Variants in PPM1E observed in about 807,000 individuals in gnomAD.
PPM1E encodes the protein protein phosphatase 1E.
PPM1E carries 20 observed loss-of-function variants against 65.9 expected under a neutral mutation model. That is an observed-to-expected ratio of 0.30 (90% CI 0.21 to 0.44). PPM1E has a LOEUF of 0.44. Among genes scored for constraint, PPM1E ranks in the 20% least tolerant of loss-of-function variants. The probability of loss-of-function intolerance (pLI) is 1.00; values close to 1 mark genes in which losing one functional copy is unlikely to be tolerated. For synonymous variants in PPM1E, 352 were observed against 374.9 expected, an observed-to-expected ratio of 0.94 and a Z score of 0.70; for missense variants, 713 against 953.1, an observed-to-expected ratio of 0.75 and a Z score of 3.32.
chr17:58,833,922 A>G (rs983718116), intron 1 of PPM1E, among the ~76,000 whole-genome samples: 2 of 152,114 alleles, frequency 1.3e-5, no homozygotes, highest in Non-Finnish European at 2.9e-5. Context: ...TTATAATAAT[A>G]GCCATTCTGA....
Position 58,982,604 on chromosome 17 carries a change from T to C in PPM1E, c.*1573T>C, listed in dbSNP as rs2031423775. ...ATGACTGGCATATTTTGGATACCAG[T>C]ATAGCTATATCAAATAGACAAAAAC... is the stretch of plus-strand genomic sequence containing the variant. On this transcript the variant is annotated 3_prime_UTR_variant, in exon 7 of 7. Transcript: ENST00000308249. 2.9e-6 allele frequency: 1 copy of C among 346,694 alleles called. No homozygotes were observed. The highest frequency in any genetic ancestry group is 5.3e-6 in the Non-Finnish European group (1 of 188,996). 21.5% of individuals were successfully genotyped at this position (346,694 alleles called of 1,614,324 possible).
chr17:58,800,324 A>G (rs2050247034), intron 1 of PPM1E, among the ~76,000 whole-genome samples: 1 of 152,076 alleles, frequency 6.6e-6, no homozygotes, highest in African/African-American at 2.4e-5. Flanking sequence ...ATTTGGTACT[A>G]TTTTGTTGTA....
chr17:58,934,377 G>A (rs1275044297), intron 1 of PPM1E, among the ~76,000 whole-genome samples: 1 of 151,966 alleles, frequency 6.6e-6, no homozygotes, highest in East Asian at 1.9e-4. Flanking sequence ...ATATCCTGTA[G>A]GTAACAACTC....
intron 1 of PPM1E, among the ~76,000 whole-genome samples, chr17:58,832,916 G>C (rs1411064228): frequency 6.6e-6 from 1 of 152,060 alleles, no homozygotes; most frequent in African/African-American, 2.4e-5. Context: ...GGGAACAAGC[G>C]ATTCTCCTTC....
Position 58,937,952 on chromosome 17 carries a change from C to T in PPM1E, c.465-17697C>T, listed in dbSNP as rs2052008815. On this transcript the variant is annotated intron_variant, in intron 1 of 6. Coordinates refer to ENST00000308249, the MANE Select transcript of PPM1E (RefSeq NM_014906.5). The stretch of plus-strand genomic sequence containing the variant: ...AATACAAAATGTGAAGGATTCTTTC[C>T]TAACTAATGGATTCACTGCAAGGAT... Among the ~76,000 whole-genome samples, 3 of 151,110 alleles carry T rather than the reference C, an allele frequency of 2.0e-5. No individual in the cohort carries two copies. The South Asian group carries it at 6.3e-4, about 32-fold the overall frequency.
At chr17:58,818,780 A>G (rs2050451675) in intron 1 of PPM1E, among the ~76,000 whole-genome samples, 1 of 152,148 alleles carries the variant, frequency 6.6e-6, no homozygotes, top group African/African-American at 2.4e-5. Context: ...AAATCTCTTT[A>G]TGTAAACTCC....
intron 1 of PPM1E, among the ~76,000 whole-genome samples, chr17:58,918,670 G>A (rs751966519): frequency 6.6e-6 from 1 of 151,782 alleles, no homozygotes; most frequent in Non-Finnish European, 1.5e-5. Context: ...GCCGGGCATG[G>A]TGGCATGCAC....
intron 1 of PPM1E, among the ~76,000 whole-genome samples, chr17:58,770,184 T>C (rs963931443): frequency 2.0e-5 from 3 of 152,198 alleles, no homozygotes; most frequent in Non-Finnish European, 4.4e-5. Flanking sequence ...GTTATTCCTT[T>C]GCATAATGAG....
intron 1 of PPM1E, among the ~76,000 whole-genome samples, chr17:58,931,243 A>G (rs918225428): frequency 6.6e-6 from 1 of 151,974 alleles, no homozygotes; most frequent in Non-Finnish European, 1.5e-5. Flanking sequence ...AAAATTAACC[A>G]GGCATGGTGG....
intron 1 of PPM1E, among the ~76,000 whole-genome samples, chr17:58,827,881 G>A (rs562275745): frequency 1.8e-4 from 25 of 135,464 alleles, no homozygotes; most frequent in South Asian, 4.9e-4. Context: ...CAACCTGGGC[G>A]ACAGAGCGAG....
At chr17:58,868,225 G>A (rs2051027546) in intron 1 of PPM1E, among the ~76,000 whole-genome samples, 2 of 152,144 alleles carry the variant, frequency 1.3e-5, no homozygotes, top group Admixed American at 1.3e-4. Flanking sequence ...AGCAACTCAG[G>A]AGGCTCAGGC....
At chr17:58,868,565 A>T (rs1598619212) in intron 1 of PPM1E, among the ~76,000 whole-genome samples, 1 of 120,852 alleles carries the variant, frequency 8.3e-6, no homozygotes, top group Non-Finnish European at 1.8e-5. Context: ...TGAAATGTCC[A>T]GGCTTTTTTT....
chr17:58,839,292 A>G (rs902556215), intron 1 of PPM1E, among the ~76,000 whole-genome samples: 2 of 152,146 alleles, frequency 1.3e-5, no homozygotes, highest in African/African-American at 4.8e-5. Flanking sequence ...ACTTGAGTTC[A>G]AGTCCAGCAA....
rs765402636 is a variant in PPM1E, at chr17:58,982,348, T to G, written c.*1317T>G. 6.6e-6 allele frequency: 1 copy of G among 152,282 alleles called. No individual in the cohort carries two copies. The highest frequency in any genetic ancestry group is 1.5e-5 in the Non-Finnish European group (1 of 68,076). The allele number at this position is 152,282 out of a possible 1,614,324, so 9.4% of individuals were successfully genotyped here. A position where few individuals can be genotyped will look rare whatever the true frequency, so the allele number is the denominator to read the frequency against. ...CAAACTATCAGATTCATTCATTCAG[T>G]GAAGCAGCCTCTGATTCTCTAAGAG... is the stretch of plus-strand genomic sequence containing the variant. On this transcript the variant is annotated 3_prime_UTR_variant, in exon 7 of 7. Coordinates refer to ENST00000308249, the MANE Select transcript of PPM1E (RefSeq NM_014906.5).
chr17:58,764,065 A>G (rs2049849594), intron 1 of PPM1E, among the ~76,000 whole-genome samples: 1 of 152,044 alleles, frequency 6.6e-6, no homozygotes, highest in South Asian at 2.1e-4. Context: ...AACTCAATAT[A>G]TCCAAAATAT....
intron 1 of PPM1E, among the ~76,000 whole-genome samples, chr17:58,821,256 G>A (rs1425481255): frequency 2.0e-5 from 3 of 151,982 alleles, no homozygotes; most frequent in East Asian, 1.9e-4. Flanking sequence ...GACTACAGGC[G>A]CCCGCCAACA....
intron 1 of PPM1E, among the ~76,000 whole-genome samples, chr17:58,890,566 G>A (rs1167335649): frequency 6.6e-6 from 1 of 152,124 alleles, no homozygotes; most frequent in Non-Finnish European, 1.5e-5. Context: ...ATAAATTTTA[G>A]TGACTATGTG....
At chr17:58,809,361 T>A (rs1165610600) in intron 1 of PPM1E, among the ~76,000 whole-genome samples, 1 of 152,126 alleles carries the variant, frequency 6.6e-6, no homozygotes, top group African/African-American at 2.4e-5. Flanking sequence ...AGTGTTGGGA[T>A]TACAAGTGTG....
chr17:58,844,562 G>A (rs1249112557), intron 1 of PPM1E, among the ~76,000 whole-genome samples: 1 of 152,104 alleles, frequency 6.6e-6, no homozygotes, highest in Non-Finnish European at 1.5e-5. Flanking sequence ...CTCATTAATG[G>A]CAAGTGTAAA....
Sources: gnomAD v4.1 joint callset for allele counts (sites outside exome capture counted in the v4.1 genomes callset) on GRCh38, gnomAD v4.1.1 for gene constraint, MANE v1.5 for transcripts, NCBI Gene and HGNC (gene_info 2026-07-23, HGNC 2026-07-21) for gene names.